Variants in KCNQ1 observed in about 807,000 individuals in gnomAD.
KCNQ1 encodes the protein potassium voltage-gated channel subfamily Q member 1.
KCNQ1 carries 49 observed loss-of-function variants against 72.4 expected under a neutral mutation model. The observed-to-expected ratio is 0.68, with a 90% CI of 0.54 to 0.86. The LOEUF (loss-of-function observed/expected upper bound fraction) is 0.86, where lower values mean the gene tolerates loss of function less well. Among genes scored for constraint, KCNQ1 ranks in the 40% least tolerant of loss-of-function variants. KCNQ1 has a pLI of 0.00. For missense variants in KCNQ1, 790 were observed against 945.1 expected (o/e 0.84, Z 2.15); for synonymous variants, 450 against 412.6 (o/e 1.09, Z -1.10).
intron 15 of KCNQ1, among the ~76,000 whole-genome samples, chr11:2,825,436 G>GC (rs1410232433): frequency 6.6e-6 from 1 of 152,014 alleles, no homozygotes; most frequent in African/African-American, 2.4e-5. Flanking sequence ...CAAGCACCAC[G>GC]CGGGGGGGTA....
rs1355445282 is a variant in KCNQ1, at chr11:2,446,439, C to A, written c.386+955C>A. Among the ~76,000 whole-genome samples the A allele has an allele frequency of 6.6e-6, 1 of 152,196 alleles. No individual in the cohort carries two copies. The highest frequency in any genetic ancestry group is 1.5e-5 in the Non-Finnish European group (1 of 68,026). Reference sequence around the variant, plus strand: ...GCTCACCTGAGGGCTGAAGGGTGGTCTCCCTGAGCGTCCTCAGGTGGAAGC... The same window carrying A: ...GCTCACCTGAGGGCTGAAGGGTGGTATCCCTGAGCGTCCTCAGGTGGAAGC... On this transcript the variant is annotated intron_variant, in intron 1 of 15. Transcript: ENST00000155840. The surrounding 1 kb of genome is among the most constrained non-coding windows in gnomAD (Gnocchi z 8.8).
intron 10 of KCNQ1, among the ~76,000 whole-genome samples, chr11:2,605,104 A>G (rs7947981): frequency 0.082 from 12,521 of 152,166 alleles, 1,188 homozygotes; most frequent in African/African-American, 0.23. Flanking sequence ...AGAAATTTCT[A>G]TTCCGATTTT....
At position 2,588,599 on chromosome 11, in the gene KCNQ1, G is replaced by A. The variant is rs1848626612; in HGVS notation, c.1252-114G>A. On this transcript the variant is annotated intron_variant, in intron 9 of 15. Coordinates refer to ENST00000155840, the MANE Select transcript of KCNQ1 (RefSeq NM_000218.3). This position sits in a 1 kb window ranked among gnomAD's most constrained non-coding sequence, Gnocchi z 5.6. ...GGCCCCAGGCCTCAGGTCCCTGTCC[G>A]GGTGTATGTGGCGGGGGCTGGGCTC... is the stretch of plus-strand genomic sequence containing the variant. 15 of 1,297,610 alleles carry A rather than the reference G, an allele frequency of 1.2e-5. No homozygotes were observed. The highest frequency in any genetic ancestry group is 4.7e-5 in the East Asian group (2 of 42,726). The allele number at this position is 1,297,610 out of a possible 1,614,324, so 80.4% of individuals were successfully genotyped here.
rs904048829 is a variant in KCNQ1, at chr11:2,462,463, C to T, written c.386+16979C>T. Among the ~76,000 whole-genome samples the T allele has an allele frequency of 2.6e-5, 4 of 152,318 alleles. No individual in the cohort carries two copies. The highest frequency in any genetic ancestry group is 3.4e-3 in the Middle Eastern group (1 of 294). On this transcript the variant is annotated intron_variant, in intron 1 of 15. Coordinates refer to ENST00000155840, the MANE Select transcript of KCNQ1 (RefSeq NM_000218.3). This position sits in a 1 kb window ranked among gnomAD's most constrained non-coding sequence, Gnocchi z 8.2. ...AATGCACCATCTCTTCCTGGCATGACGGGAACCACCTGTGACATTGCCACC... is the reference window on the plus strand; with the variant it reads ...AATGCACCATCTCTTCCTGGCATGATGGGAACCACCTGTGACATTGCCACC...
rs577864996 is a variant in KCNQ1, at chr11:2,654,480, C to A, written c.1394-7481C>A. Reference sequence around the variant, plus strand: ...GCCAGGCACACATAAGCCCTGCAGCCGTACAGGGGAGGGGGCAATCTCCGG... The same window carrying A: ...GCCAGGCACACATAAGCCCTGCAGCAGTACAGGGGAGGGGGCAATCTCCGG... On this transcript the variant is annotated intron_variant, in intron 10 of 15. Transcript: ENST00000155840. The surrounding 1 kb of genome is among the most constrained non-coding windows in gnomAD (Gnocchi z 6.4). 1 of 398,242 alleles carries A rather than the reference C, an allele frequency of 2.5e-6. No homozygotes were observed. The highest frequency in any genetic ancestry group is 2.1e-5 in the African/African-American group (1 of 48,434). 24.7% of individuals were successfully genotyped at this position (398,242 alleles called of 1,614,324 possible). A position where few individuals can be genotyped will look rare whatever the true frequency, so the allele number is the denominator to read the frequency against.
At chr11:2,465,158 T>C (rs956097803) in intron 1 of KCNQ1, among the ~76,000 whole-genome samples, 4 of 152,154 alleles carry the variant, frequency 2.6e-5, no homozygotes, top group African/African-American at 9.7e-5. Context: ...CAGAAGTTTT[T>C]TTATTTTTTA....
At chr11:2,681,509 G>T in intron 11 of KCNQ1, 1 of 398,396 alleles carries the variant, frequency 2.5e-6, no homozygotes, top group Non-Finnish European at 4.4e-6. Flanking sequence ...AGTCAAACTG[G>T]TCCAGGTTAA....
In KCNQ1 at chr11:2,783,094, A is replaced by C. The variant is rs1846851276; in HGVS notation, c.1794+5057A>C. On this transcript the variant is annotated intron_variant, in intron 15 of 15. Transcript: ENST00000155840. The surrounding 1 kb of genome is among the most constrained non-coding windows in gnomAD (Gnocchi z 5.2). The stretch of plus-strand genomic sequence containing the variant: ...GGCTTTCTAAATTTTTAAGGTATGC[A>C]TTTAAGGTTATAAATTTTTCCTTTA... 2.0e-5 allele frequency among the ~76,000 whole-genome samples: 3 copies of C among 152,170 alleles called. No individual in the cohort carries two copies. The highest frequency in any genetic ancestry group is 2.0e-4 in the Admixed American group (3 of 15,278).
chr11:2,487,009 G>A (rs556662821), intron 1 of KCNQ1, among the ~76,000 whole-genome samples: 407 of 152,262 alleles, frequency 2.7e-3, no homozygotes, highest in African/African-American at 8.6e-3. Flanking sequence ...ATAGTTTTAC[G>A]TTGCACATTT....
At chr11:2,656,253 C>A (rs1849846793) in intron 10 of KCNQ1, 5 of 398,534 alleles carry the variant, frequency 1.3e-5, no homozygotes, top group Non-Finnish European at 2.2e-5. Context: ...CATTATATAA[C>A]CTAGGGTACT....
chr11:2,699,374 C>T (rs1435997290), intron 11 of KCNQ1: 3 of 399,834 alleles, frequency 7.5e-6, no homozygotes, highest in Non-Finnish European at 8.8e-6. Flanking sequence ...CGCCCAGGTC[C>T]GTGCTGACCG....
In KCNQ1 at chr11:2,816,300, A is replaced by G. The variant is rs996711386; in HGVS notation, c.1795-31467A>G. On this transcript the variant is annotated intron_variant, in intron 15 of 15. Coordinates refer to ENST00000155840, the MANE Select transcript of KCNQ1 (RefSeq NM_000218.3). This position sits in a 1 kb window ranked among gnomAD's most constrained non-coding sequence, Gnocchi z 6.8. ...TTGGCCAAGACTAAAAAGTGGAGTC[A>G]AGCTCAGTGCTGGTGACGATGTTGG... 3.9e-5 allele frequency among the ~76,000 whole-genome samples: 6 copies of G among 152,202 alleles called. No homozygotes were observed. The highest frequency in any genetic ancestry group is 1.4e-4 in the African/African-American group (6 of 41,448).
In KCNQ1 at chr11:2,541,152, T is replaced by G. The variant is rs1847816685; in HGVS notation, c.477+13134T>G. 6.6e-6 allele frequency among the ~76,000 whole-genome samples: 1 copy of G among 152,232 alleles called. No individual in the cohort carries two copies. The highest frequency in any genetic ancestry group is 2.1e-4 in the South Asian group (1 of 4,838). ...CAGGCAGGCAGGGAGAGAGACCCCC[T>G]TGGGGCCGCGTTCCATTTGCACATT... On this transcript the variant is annotated intron_variant, in intron 2 of 15. Transcript: ENST00000155840. The surrounding 1 kb of genome is among the most constrained non-coding windows in gnomAD (Gnocchi z 4.8).
Position 2,642,554 on chromosome 11 carries a change from C to A in KCNQ1, c.1394-19407C>A, listed in dbSNP as rs1849596213. On this transcript the variant is annotated intron_variant, in intron 10 of 15. Coordinates refer to ENST00000155840, the MANE Select transcript of KCNQ1 (RefSeq NM_000218.3). This position sits in a 1 kb window ranked among gnomAD's most constrained non-coding sequence, Gnocchi z 4.3. Reference sequence around the variant, plus strand: ...CATTTTTGATTTTATTCATGTAGGTCTTCTCTCTTTTCTTCTTGGATAGTT... The same window carrying A: ...CATTTTTGATTTTATTCATGTAGGTATTCTCTCTTTTCTTCTTGGATAGTT... 2.5e-6 allele frequency: 1 copy of A among 397,224 alleles called. No individual in the cohort carries two copies. Among genetic ancestry groups the A allele is most frequent in the Non-Finnish European group, 4.4e-6 (1 of 225,538 alleles). 24.6% of individuals were successfully genotyped at this position (397,224 alleles called of 1,614,324 possible).
intron 2 of KCNQ1, among the ~76,000 whole-genome samples, chr11:2,556,083 T>C (rs1188181158): frequency 6.6e-6 from 1 of 151,934 alleles, no homozygotes; most frequent in African/African-American, 2.4e-5. Context: ...TGTGAGGGAG[T>C]GTTCCAGGCC....
chr11:2,591,289 G>A (rs756503107), intron 10 of KCNQ1, among the ~76,000 whole-genome samples: 1 of 152,340 alleles, frequency 6.6e-6, no homozygotes, highest in East Asian at 1.9e-4. Context: ...GCTTTCCTGG[G>A]CATCCCATGT....
In KCNQ1 at chr11:2,670,245, C is replaced by T. The variant is rs1048654730; in HGVS notation, c.1514+8164C>T. ...CACCTGCCTTTGACCCTGCACATGA[C>T]GGGCGAGGGAAGAGGACCATGGTAG... On this transcript the variant is annotated intron_variant, in intron 11 of 15. Coordinates refer to ENST00000155840, the MANE Select transcript of KCNQ1 (RefSeq NM_000218.3). The surrounding 1 kb of genome is among the most constrained non-coding windows in gnomAD (Gnocchi z 4.9). 3 of 398,436 alleles carry T rather than the reference C, an allele frequency of 7.5e-6. No individual in the cohort carries two copies. Among genetic ancestry groups the T allele is most frequent in the East Asian group, 3.6e-5 (1 of 28,086 alleles). The allele number at this position is 398,436 out of a possible 1,614,324, so 24.7% of individuals were successfully genotyped here.
Position 2,664,816 on chromosome 11 carries a change from G to T in KCNQ1, c.1514+2735G>T, listed in dbSNP as rs950496777. On this transcript the variant is annotated intron_variant, in intron 11 of 15. Coordinates refer to ENST00000155840, the MANE Select transcript of KCNQ1 (RefSeq NM_000218.3). This position sits in a 1 kb window ranked among gnomAD's most constrained non-coding sequence, Gnocchi z 5.1. Reference sequence around the variant, plus strand: ...CAAAAAACATTTCCATTTTTCTTCAGCATTCTACTGATGTTAAATGTATTA... The same window carrying T: ...CAAAAAACATTTCCATTTTTCTTCATCATTCTACTGATGTTAAATGTATTA... 3 of 398,678 alleles carry T rather than the reference G, an allele frequency of 7.5e-6. No individual in the cohort carries two copies. Among genetic ancestry groups the T allele is most frequent in the Non-Finnish European group, 1.3e-5 (3 of 226,116 alleles). The allele number at this position is 398,678 out of a possible 1,614,324, so 24.7% of individuals were successfully genotyped here.
intron 2 of KCNQ1, among the ~76,000 whole-genome samples, chr11:2,561,760 C>T (rs1289370239): frequency 2.6e-5 from 4 of 152,210 alleles, no homozygotes; most frequent in Non-Finnish European, 5.9e-5. Flanking sequence ...ACCATACTCC[C>T]AGTGCCACCC....
Sources: allele counts gnomAD v4.1 joint callset (sites outside exome capture counted in the v4.1 genomes callset), GRCh38; gene constraint gnomAD v4.1.1; non-coding constraint Gnocchi (gnomAD v3.1); transcripts MANE v1.5; gene names NCBI Gene and HGNC (gene_info 2026-07-23, HGNC 2026-07-21).